The following FAXDC2 variants were observed in gnomAD, a reference collection of about 807,000 sequenced individuals.
FAXDC2 encodes fatty acid hydroxylase domain-containing protein 2.
In FAXDC2, 41 loss-of-function variants were observed where a neutral mutation model predicts 40.9. That is an observed-to-expected ratio of 1.00 (90% CI 0.78 to 1.30). The LOEUF (loss-of-function observed/expected upper bound fraction) is 1.30, where lower values mean the gene tolerates loss of function less well. Among genes scored for constraint, FAXDC2 ranks in the 50% most tolerant of loss-of-function variants. The pLI, the probability that FAXDC2 is intolerant of heterozygous loss-of-function variation, is 0.00. For synonymous variants in FAXDC2, 157 were observed against 149.3 expected (o/e 1.05, Z -0.38); for missense variants, 390 against 408.8 (o/e 0.95, Z 0.40).
intron 5 of FAXDC2, among the ~76,000 whole-genome samples, chr5:154,829,018 C>G (rs1760121738): frequency 6.6e-6 from 1 of 150,430 alleles, no homozygotes; most frequent in Non-Finnish European, 1.5e-5. Flanking sequence ...CTCCCAGGTT[C>G]AAGCAATTCT....
chr5:154,820,977 C>A, intron 8 of FAXDC2: 1 of 370,440 alleles, frequency 2.7e-6, no homozygotes, highest in Non-Finnish European at 5.0e-6. Context: ...TGATTGCCTG[C>A]AGGAGTTTTA....
intron 4 of FAXDC2, among the ~76,000 whole-genome samples, chr5:154,833,544 G>A (rs1760245148): frequency 1.3e-5 from 2 of 150,090 alleles, no homozygotes; most frequent in African/African-American, 2.5e-5. Flanking sequence ...AGTGAAAAAG[G>A]GATTTTGCCA....
intron 1 of FAXDC2, among the ~76,000 whole-genome samples, chr5:154,848,499 T>C (rs1009014832): frequency 4.6e-5 from 7 of 152,172 alleles, no homozygotes; most frequent in African/African-American, 1.7e-4. Flanking sequence ...GCTCTCAGAC[T>C]GTATGCTAGG....
At chr5:154,839,100 T>C (rs1047349908) in intron 1 of FAXDC2, among the ~76,000 whole-genome samples, 3 of 151,480 alleles carry the variant, frequency 2.0e-5, no homozygotes, top group African/African-American at 7.3e-5. Context: ...CCAAGGTGGG[T>C]GGATCACCTA....
chr5:154,845,646 C>CA (rs1176622486), intron 1 of FAXDC2, among the ~76,000 whole-genome samples: 5 of 135,222 alleles, frequency 3.7e-5, no homozygotes, highest in Non-Finnish European at 6.3e-5. Flanking sequence ...GGAAGACTCT[C>CA]AAAAAACAAA....
Position 154,820,193 on chromosome 5 carries a change from T to C in FAXDC2, c.*123A>G, listed in dbSNP as rs1759845723. ...GCTTTTCCGGGAAGCCGACCTTCCC[T>C]CTACCCTGGTGGTGCCATCATTAGG... On this transcript the variant is annotated 3_prime_UTR_variant, in exon 9 of 9. Coordinates refer to ENST00000326080, the MANE Select transcript of FAXDC2 (RefSeq NM_032385.5). The C allele has an allele frequency of 9.0e-6, 7 of 781,590 alleles. No individual in the cohort carries two copies. Among genetic ancestry groups the C allele is most frequent in the Non-Finnish European group, 1.2e-5 (6 of 486,372 alleles). 48.4% of individuals were successfully genotyped at this position (781,590 alleles called of 1,614,324 possible). A position where few individuals can be genotyped will look rare whatever the true frequency, so the allele number is the denominator to read the frequency against.
intron 4 of FAXDC2, among the ~76,000 whole-genome samples, chr5:154,831,865 C>T (rs555841512): frequency 3.3e-5 from 5 of 151,728 alleles, no homozygotes; most frequent in Admixed American, 6.6e-5. Context: ...CATAAATGTC[C>T]GTCACAGCAT....
intron 1 of FAXDC2, among the ~76,000 whole-genome samples, chr5:154,849,857 A>G (rs1002560358): frequency 2.6e-5 from 4 of 152,224 alleles, no homozygotes; most frequent in Non-Finnish European, 4.4e-5. Context: ...CCTTTACTCA[A>G]TAACCTTCGT....
Position 154,830,817 on chromosome 5 carries a change from AC to A in FAXDC2, c.349del (p.Val117SerfsTer10), listed in dbSNP as rs1236002185. ...AACACTTACAGGTTCATTCTTGCCGACCTGAATTCGGTAGCGAGAGATGAAG... is the reference window on the plus strand; with the variant it reads ...AACACTTACAGGTTCATTCTTGCCGACTGAATTCGGTAGCGAGAGATGAAG... The part of the protein sequence containing the change: ...PNFISRYRIQ[V>X]GKNEPVDPVK... On this transcript the variant is annotated frameshift_variant, in exon 5 of 9. Transcript: ENST00000326080. LOFTEE classifies it high-confidence loss of function. The A allele has an allele frequency of 1.9e-6, 3 of 1,613,974 alleles. No homozygotes were observed. The highest frequency in any genetic ancestry group is 2.5e-6 in the Non-Finnish European group (3 of 1,179,990).
intron 7 of FAXDC2, chr5:154,821,959 C>T (rs2113119654): frequency 6.3e-6 from 1 of 157,556 alleles, no homozygotes; most frequent in South Asian, 1.9e-4. Flanking sequence ...CGTGGTGGCA[C>T]ACGCCTGTAA....
chr5:154,841,269 G>GT (rs1359511097), intron 1 of FAXDC2, among the ~76,000 whole-genome samples: 1 of 152,178 alleles, frequency 6.6e-6, no homozygotes, highest in African/African-American at 2.4e-5. Flanking sequence ...ACTGAGGCTT[G>GT]TAAGTGTGCA....
chr5:154,823,495 T>C lies in FAXDC2; in HGVS notation c.464A>G (p.Lys155Arg). The C allele has an allele frequency of 1.9e-6, 3 of 1,613,778 alleles. No individual in the cohort carries two copies. Among genetic ancestry groups the C allele is most frequent in the African/African-American group, 1.3e-5 (1 of 74,934 alleles). The change falls in exon 6 of 9, where the codon AAA becomes AGA. Residue 155 changes from lysine to arginine, a missense_variant. Transcript: ENST00000326080. Reference protein sequence around the residue: ...PMVVFLYPFLKWWRDPCRREL... With the variant: ...PMVVFLYPFLRWWRDPCRREL... ...ACGGCGGCAGGGGTCTCTCCACCAT[T>C]TGAGGAAGGGATAGAGGAAGACCAC...
Position 154,831,876 on chromosome 5 carries a change from T to TA in FAXDC2, c.245-955dup, listed in dbSNP as rs112456951. On this transcript the variant is annotated intron_variant, in intron 4 of 8. Coordinates refer to ENST00000326080, the MANE Select transcript of FAXDC2 (RefSeq NM_032385.5). Reference sequence around the variant, plus strand: ...TATGCATAAATGTCCGTCACAGCATTAAAAAAAAAATTTAAGCAGCCTAAA... The same window carrying TA: ...TATGCATAAATGTCCGTCACAGCATTAAAAAAAAAAATTTAAGCAGCCTAAA... Among the ~76,000 whole-genome samples the TA allele has an allele frequency of 1.5e-3, 218 of 149,138 alleles. 1 individual carries two copies. Among genetic ancestry groups the TA allele is most frequent in the African/African-American group, 5.0e-3 (203 of 40,842 alleles).
At chr5:154,841,939 T>C (rs1014687154) in intron 1 of FAXDC2, among the ~76,000 whole-genome samples, 13 of 152,052 alleles carry the variant, frequency 8.5e-5, no homozygotes, top group African/African-American at 3.1e-4. Flanking sequence ...GGTTTTGCCA[T>C]GTTGGCCAGA....
intron 8 of FAXDC2, 29 bp downstream of exon 8, chr5:154,821,231 G>T: frequency 6.3e-7 from 1 of 1,589,852 alleles, no homozygotes; most frequent in South Asian, 1.1e-5. Context: ...TTGTTGCCTA[G>T]GGACCCATTG....
Position 154,834,930 on chromosome 5 carries a change from C to A in FAXDC2, c.53G>T (p.Gly18Val). The change falls in exon 3 of 9, where the codon GGA becomes GTA. Residue 18 changes from glycine (G) to valine (V), a missense_variant. By Grantham distance (109) the Gly-to-Val change is moderately radical. Coordinates refer to ENST00000326080, the MANE Select transcript of FAXDC2 (RefSeq NM_032385.5). Reference sequence around the variant, plus strand: ...CCTCCTCATAGAGCCCCAGATGTGTCCCTCCTGGAGGAGGGCAGGGAAGTG... The same window carrying A: ...CCTCCTCATAGAGCCCCAGATGTGTACCTCCTGGAGGAGGGCAGGGAAGTG... The part of the protein sequence containing the change: ...MLHNEKSKQE[G>V]HIWGSMRRTA... The A allele has an allele frequency of 6.3e-7, 1 of 1,593,526 alleles. No individual in the cohort carries two copies. The highest frequency in any genetic ancestry group is 2.3e-5 in the East Asian group (1 of 44,150).
At chr5:154,830,748 T>C (rs568882137) in intron 5 of FAXDC2, 53 bp downstream of exon 5, 1 of 1,607,062 alleles carries the variant, frequency 6.2e-7, no homozygotes, top group East Asian at 2.2e-5. Context: ...TCTGAGAGTG[T>C]GGCTTTGGCT....
chr5:154,824,506 G>T, intron 5 of FAXDC2: 1 of 702,558 alleles, frequency 1.4e-6, no homozygotes, highest in South Asian at 1.5e-5. Context: ...ACTGATTTCA[G>T]AATTCACTCT....
chr5:154,843,318 G>T (rs1212471025), intron 1 of FAXDC2, among the ~76,000 whole-genome samples: 1 of 152,208 alleles, frequency 6.6e-6, no homozygotes, highest in East Asian at 1.9e-4. Context: ...CTAAGAGCTT[G>T]CAAAGCAAAC....
Sources: gnomAD v4.1 joint callset for allele counts (sites outside exome capture counted in the v4.1 genomes callset) on GRCh38, gnomAD v4.1.1 for gene constraint, MANE v1.5 for transcripts, NCBI Gene and HGNC (gene_info 2026-07-23, HGNC 2026-07-21) for gene names.